Variants in EVC observed in about 807,000 individuals in gnomAD.
EVC encodes evC complex member EVC.
Under a neutral mutation model 118.9 loss-of-function variants are expected in EVC, and 116 were observed. The ratio of observed to expected loss-of-function variants is 0.98; its 90% CI spans 0.84 to 1.14. EVC has a LOEUF of 1.14. Ranked by LOEUF, EVC falls within the 50% of genes most tolerant of loss-of-function variation. The pLI is 0.00. For synonymous variants in EVC, 619 were observed against 534.7 expected (o/e 1.16, Z -2.18); for missense variants, 1,401 against 1,246.4 (o/e 1.12, Z -1.87).
At chr4:5,753,513 C>T (rs999963746) in intron 9 of EVC, among the ~76,000 whole-genome samples, 4 of 151,064 alleles carry the variant, frequency 2.6e-5, no homozygotes, top group South Asian at 4.2e-4. Flanking sequence ...GAAGGGGAGC[C>T]GTGCATGTGT....
At position 5,719,696 on chromosome 4, in the gene EVC, G is replaced by T. The variant is rs927839241; in HGVS notation, c.300+323G>T. ...CCCATGCGTGGGATTTCCATTGATTGGTTCTGCAGTTCTGGAACCTTATGC... is the reference window on the plus strand; with the variant it reads ...CCCATGCGTGGGATTTCCATTGATTTGTTCTGCAGTTCTGGAACCTTATGC... On this transcript the variant is annotated intron_variant, in intron 2 of 20. Coordinates refer to ENST00000264956, the MANE Select transcript of EVC (RefSeq NM_153717.3). This position sits in a 1 kb window ranked among gnomAD's most constrained non-coding sequence, Gnocchi z 4.7. Among the ~76,000 whole-genome samples the T allele has an allele frequency of 6.6e-6, 1 of 152,144 alleles. No homozygotes were observed.
At position 5,743,327 on chromosome 4, in the gene EVC, C is replaced by A. The variant is rs1270959642; in HGVS notation, c.801+1513C>A. 6.6e-6 allele frequency among the ~76,000 whole-genome samples: 1 copy of A among 152,192 alleles called. No homozygotes were observed. The highest frequency in any genetic ancestry group is 1.5e-5 in the Non-Finnish European group (1 of 68,038). On this transcript the variant is annotated intron_variant, in intron 6 of 20. Coordinates refer to ENST00000264956, the MANE Select transcript of EVC (RefSeq NM_153717.3). The surrounding 1 kb of genome is among the most constrained non-coding windows in gnomAD (Gnocchi z 4.7). ...AGTCTCCTACCTCACCTTATCCTCA[C>A]CATCATTGTCATCATTATTCTCGTT...
chr4:5,824,413 A>G, the EVC span: 55 of 985,278 alleles, frequency 5.6e-5, no homozygotes, highest in Non-Finnish European at 6.6e-5. Context: ...CCTCGGCATA[A>G]TCACTGAATC....
intron 1 of EVC, 124 bp downstream of exon 1, chr4:5,711,678 G>A (rs924579118): frequency 9.7e-6 from 8 of 827,462 alleles, no homozygotes; most frequent in African/African-American, 1.8e-5. Flanking sequence ...GCACGCAACC[G>A]CTTAGGCGTC....
intron 9 of EVC, 33 bp from the exon 10 acceptor site, chr4:5,753,752 C>T: frequency 6.2e-7 from 1 of 1,614,092 alleles, no homozygotes; most frequent in Non-Finnish European, 8.5e-7. Context: ...CTCACAGAGT[C>T]ACCTCCTATG....
the EVC span, chr4:5,825,968 TAACAAAA>T: frequency 1.5e-4 from 63 of 423,108 alleles, no homozygotes; most frequent in Non-Finnish European, 2.3e-4. The surrounding 1 kb of genome is among the most constrained non-coding windows in gnomAD (Gnocchi z 4.4). Flanking sequence ...GCACATGCAG[TAACAAAA>T]CAGGCCTACA....
chr4:5,773,377 C>T (rs1734274320), intron 11 of EVC, among the ~76,000 whole-genome samples: 1 of 152,084 alleles, frequency 6.6e-6, no homozygotes, highest in Non-Finnish European at 1.5e-5. Flanking sequence ...CATGTCCCTC[C>T]CATCTTCCCC....
At chr4:5,713,676 CAAA>C (rs35032068) in intron 1 of EVC, among the ~76,000 whole-genome samples, 2,106 of 71,684 alleles carry the variant, frequency 0.029, 46 homozygotes, top group African/African-American at 0.12. Context: ...GGCTCCGTCT[CAAA>C]AAAAAAAAAA....
downstream of EVC, among the ~76,000 whole-genome samples, chr4:5,815,924 A>G (rs1225313534): frequency 3.3e-5 from 5 of 151,726 alleles, no homozygotes; most frequent in East Asian, 9.7e-4. Flanking sequence ...GTTTGGAAGG[A>G]AGGGAGGGAG....
chr4:5,822,948 C>G, the EVC span, among the ~76,000 whole-genome samples: 6 of 152,326 alleles, frequency 3.9e-5, no homozygotes, highest in African/African-American at 1.4e-4. Context: ...TGTTTCCTTG[C>G]AGTCGGCTCC....
chr4:5,721,957 G>A (rs999070599), intron 2 of EVC, among the ~76,000 whole-genome samples: 10 of 152,142 alleles, frequency 6.6e-5, no homozygotes, highest in Non-Finnish European at 1.3e-4. Context: ...TGAACTGCAG[G>A]GTGTGTGAAT....
At position 5,789,719 on chromosome 4, in the gene EVC, A is replaced by T. The variant is rs1360622499; in HGVS notation, c.1777-3889A>T. On this transcript the variant is annotated intron_variant, in intron 12 of 20. Coordinates refer to ENST00000264956, the MANE Select transcript of EVC (RefSeq NM_153717.3). The surrounding 1 kb of genome is among the most constrained non-coding windows in gnomAD (Gnocchi z 4.3). Reference sequence around the variant, plus strand: ...TGAATGTAAGCATTTACAAGCCTGCATTTGATAATGCTGAAGAGGTTTATG... The same window carrying T: ...TGAATGTAAGCATTTACAAGCCTGCTTTTGATAATGCTGAAGAGGTTTATG... 6.6e-6 allele frequency among the ~76,000 whole-genome samples: 1 copy of T among 152,214 alleles called. No individual in the cohort carries two copies. The highest frequency in any genetic ancestry group is 1.5e-5 in the Non-Finnish European group (1 of 68,042).
chr4:5,743,578 G>A lies in EVC; in HGVS notation c.802-1626G>A, dbSNP rs564676393. ...CTTCATTAGAGTCCTCATTGTCATC[G>A]TCATCGTCCTTGTTCCTACCACTGT... is the stretch of plus-strand genomic sequence containing the variant. On this transcript the variant is annotated intron_variant, in intron 6 of 20. Transcript: ENST00000264956. The surrounding 1 kb of genome is among the most constrained non-coding windows in gnomAD (Gnocchi z 4.7). 1.1e-4 allele frequency among the ~76,000 whole-genome samples: 16 copies of A among 152,068 alleles called. No homozygotes were observed. The highest frequency in any genetic ancestry group is 4.2e-4 in the South Asian group (2 of 4,814).
chr4:5,741,887 A>T, intron 6 of EVC, 73 bp downstream of exon 6: 1 of 783,710 alleles, frequency 1.3e-6, no homozygotes, highest in Admixed American at 2.7e-5. Flanking sequence ...ATGATGCAAA[A>T]ATTTTTTTCT....
chr4:5,741,883 C>T, intron 6 of EVC, 69 bp downstream of exon 6: 1 of 815,186 alleles, frequency 1.2e-6, no homozygotes, highest in East Asian at 2.8e-5. Flanking sequence ...ACTTATGATG[C>T]AAAAATTTTT....
At chr4:5,752,748 C>T (rs552990094) in intron 8 of EVC, 88 bp from the exon 9 acceptor site, 2 of 1,325,050 alleles carry the variant, frequency 1.5e-6, no homozygotes, top group East Asian at 2.3e-5. Context: ...AGTTAATGAC[C>T]CTGGTGGCTT....
In EVC at chr4:5,757,909, C is replaced by A. The variant is rs890219639; in HGVS notation, c.1563+1547C>A. On this transcript the variant is annotated intron_variant, in intron 11 of 20. Coordinates refer to ENST00000264956, the MANE Select transcript of EVC (RefSeq NM_153717.3). ...TCAACCTAAGAATTTTGGAGGGAGA[C>A]ACAATTTAGTCCAAACAGTGTCCTT... 4.6e-5 allele frequency among the ~76,000 whole-genome samples: 7 copies of A among 152,236 alleles called. No homozygotes were observed. In the South Asian group the frequency reaches 1.5e-3, roughly 32 times the overall value.
At chr4:5,734,340 G>A (rs1197328986) in intron 5 of EVC, among the ~76,000 whole-genome samples, 1 of 152,148 alleles carries the variant, frequency 6.6e-6, no homozygotes, top group Non-Finnish European at 1.5e-5. Flanking sequence ...CTGGAGAAGA[G>A]CAAGAACATC....
intron 11 of EVC, among the ~76,000 whole-genome samples, chr4:5,767,824 C>G (rs1733182971): frequency 1.3e-5 from 2 of 152,310 alleles, no homozygotes; most frequent in South Asian, 4.1e-4. Flanking sequence ...TGAGATGAAC[C>G]CAGTACCTCA....
Sources: gnomAD v4.1 joint callset for allele counts (sites outside exome capture counted in the v4.1 genomes callset) on GRCh38, gnomAD v4.1.1 for gene constraint, Gnocchi (gnomAD v3.1) non-coding constraint, MANE v1.5 for transcripts, NCBI Gene and HGNC (gene_info 2026-07-23, HGNC 2026-07-21) for gene names.